Variants in AGAP1 observed in about 807,000 individuals in gnomAD.
AGAP1 encodes the protein arf-GAP with GTPase, ANK repeat and PH domain-containing protein 1.
In AGAP1, 29 loss-of-function variants were observed where a neutral mutation model predicts 105.3. That is an observed-to-expected ratio of 0.28 (90% CI 0.21 to 0.38). AGAP1 has a LOEUF of 0.38. AGAP1 is among the 10% of genes least tolerant of loss of function. The probability of loss-of-function intolerance (pLI) is 1.00; values close to 1 mark genes in which losing one functional copy is unlikely to be tolerated. For synonymous variants in AGAP1, 509 were observed against 485.9 expected, an observed-to-expected ratio of 1.05 and a Z score of -0.63; for missense variants, 998 against 1,165.1, an observed-to-expected ratio of 0.86 and a Z score of 2.09.
At position 235,577,451 on chromosome 2, in the gene AGAP1, G is replaced by T. The variant is rs554927468; in HGVS notation, c.163+82602G>T. On this transcript the variant is annotated intron_variant, in intron 1 of 17. Coordinates refer to ENST00000304032, the MANE Select transcript of AGAP1 (RefSeq NM_001037131.3). The surrounding 1 kb of genome is among the most constrained non-coding windows in gnomAD (Gnocchi z 4.5). ...TCTTGACCTTCTGCCCAAAGCCTTTGCCAGATGAGACACTGCCTCTCGCTG... is the reference window on the plus strand; with the variant it reads ...TCTTGACCTTCTGCCCAAAGCCTTTTCCAGATGAGACACTGCCTCTCGCTG... Among the ~76,000 whole-genome samples the T allele has an allele frequency of 2.0e-5, 3 of 152,188 alleles. No individual in the cohort carries two copies. The South Asian group carries it at 6.2e-4, about 32-fold the overall frequency.
intron 1 of AGAP1, among the ~76,000 whole-genome samples, chr2:235,703,916 A>G (rs1224453174): frequency 6.6e-6 from 1 of 152,060 alleles, no homozygotes; most frequent in Non-Finnish European, 1.5e-5. Context: ...ATCTCAGGTG[A>G]TCCACGCCCC....
In AGAP1 at chr2:235,687,710, C is replaced by G. The variant is rs75573001; in HGVS notation, c.164-21469C>G. Among the ~76,000 whole-genome samples the G allele has an allele frequency of 6.9e-3, 1,046 of 152,258 alleles. 18 individuals carry two copies. The highest frequency in any genetic ancestry group is 0.024 in the African/African-American group (1,000 of 41,542). The stretch of plus-strand genomic sequence containing the variant: ...GAATGCCACCTTCGTTCAGATCAGA[C>G]TTATCTTCTTCGCAGGATGTGGCCA... On this transcript the variant is annotated intron_variant, in intron 1 of 17. Transcript: ENST00000304032.
chr2:235,798,318 T>G (rs550254513), intron 7 of AGAP1, among the ~76,000 whole-genome samples: 1 of 152,246 alleles, frequency 6.6e-6, no homozygotes, highest in Non-Finnish European at 1.5e-5. Context: ...CTGCTATCTT[T>G]CCATAACAAC....
chr2:235,702,519 C>G (rs1950303440), intron 1 of AGAP1, among the ~76,000 whole-genome samples: 1 of 152,116 alleles, frequency 6.6e-6, no homozygotes, highest in African/African-American at 2.4e-5. Context: ...GTCCTTGGGC[C>G]CTGTTCCCTT....
At position 235,577,376 on chromosome 2, in the gene AGAP1, G is replaced by GC. The variant is rs1301364668; in HGVS notation, c.163+82528dup. Among the ~76,000 whole-genome samples the GC allele has an allele frequency of 1.3e-5, 2 of 152,150 alleles. No homozygotes were observed. The highest frequency in any genetic ancestry group is 2.9e-5 in the Non-Finnish European group (2 of 68,036). On this transcript the variant is annotated intron_variant, in intron 1 of 17. Coordinates refer to ENST00000304032, the MANE Select transcript of AGAP1 (RefSeq NM_001037131.3). This position sits in a 1 kb window ranked among gnomAD's most constrained non-coding sequence, Gnocchi z 4.5. ...GTGCTCAGTAGCACCTGTGGCTGGAGCTACTGTATTGGGCACCACGGCCTT... is the reference window on the plus strand; with the variant it reads ...GTGCTCAGTAGCACCTGTGGCTGGAGCCTACTGTATTGGGCACCACGGCCTT...
At chr2:235,512,513 G>T (rs932534889) in intron 1 of AGAP1, among the ~76,000 whole-genome samples, 12 of 152,316 alleles carry the variant, frequency 7.9e-5, no homozygotes, top group Admixed American at 7.2e-4. Flanking sequence ...AGGATTGCTT[G>T]AGCCTAGGAG....
chr2:235,947,482 A>G lies in AGAP1; in HGVS notation c.1483+16559A>G, dbSNP rs138116838. On this transcript the variant is annotated intron_variant, in intron 12 of 17. Transcript: ENST00000304032. ...ATTTTCTTCGTCCACTCGTTGATTG[A>G]TGGGCATTTGGGCTGGTTCCGTATT... 1.1e-4 allele frequency among the ~76,000 whole-genome samples: 17 copies of G among 152,304 alleles called. No individual in the cohort carries two copies. In the East Asian group the frequency reaches 3.3e-3, roughly 29 times the overall value.
At chr2:235,746,770 A>C (rs562300484) in intron 5 of AGAP1, among the ~76,000 whole-genome samples, 1 of 152,028 alleles carries the variant, frequency 6.6e-6, no homozygotes, top group Admixed American at 6.6e-5. Context: ...CACCACTCAC[A>C]GGCTGCTGGA....
At position 236,040,914 on chromosome 2, in the gene AGAP1, T is replaced by C. The variant is rs2057530918; in HGVS notation, c.1891+73T>C. 1.4e-6 allele frequency: 2 copies of C among 1,458,486 alleles called. No individual in the cohort carries two copies. The allele number at this position is 1,458,486 out of a possible 1,614,324, so 90.3% of individuals were successfully genotyped here. On this transcript the variant is annotated intron_variant, in intron 15 of 17. Transcript: ENST00000304032. The surrounding 1 kb of genome is among the most constrained non-coding windows in gnomAD (Gnocchi z 5.6). ...CCACATGGTCCCACTAGGCCCGGGTTGCAGGGGACTCACATCTGTCCTGTT... is the reference window on the plus strand; with the variant it reads ...CCACATGGTCCCACTAGGCCCGGGTCGCAGGGGACTCACATCTGTCCTGTT...
intron 1 of AGAP1, among the ~76,000 whole-genome samples, chr2:235,618,733 C>T (rs1559293019): frequency 6.6e-6 from 1 of 151,926 alleles, no homozygotes; most frequent in Non-Finnish European, 1.5e-5. Flanking sequence ...TCTTATTTAA[C>T]CCTCAAAACA....
In AGAP1 at chr2:235,586,506, G is replaced by T. The variant is rs1945117551; in HGVS notation, c.163+91657G>T. Among the ~76,000 whole-genome samples the T allele has an allele frequency of 6.6e-6, 1 of 152,264 alleles. No individual in the cohort carries two copies. Among genetic ancestry groups the T allele is most frequent in the African/African-American group, 2.4e-5 (1 of 41,474 alleles). ...CAGCAGTCAAGGCTGCCACGAGCAA[G>T]TATTTTGAGTGCTCCTTATGTCCAT... On this transcript the variant is annotated intron_variant, in intron 1 of 17. Coordinates refer to ENST00000304032, the MANE Select transcript of AGAP1 (RefSeq NM_001037131.3). This position sits in a 1 kb window ranked among gnomAD's most constrained non-coding sequence, Gnocchi z 4.2.
At chr2:235,636,805 G>C (rs2149298188) in intron 1 of AGAP1, among the ~76,000 whole-genome samples, 1 of 152,324 alleles carries the variant, frequency 6.6e-6, no homozygotes, top group South Asian at 2.1e-4. Flanking sequence ...GGTCATGCCA[G>C]AGTGGGGTGG....
At chr2:235,558,870 T>C (rs552198297) in intron 1 of AGAP1, among the ~76,000 whole-genome samples, 1 of 152,180 alleles carries the variant, frequency 6.6e-6, no homozygotes, top group African/African-American at 2.4e-5. Context: ...ATCATTACCA[T>C]AGCCTCAGAC....
chr2:235,699,910 A>C (rs1950171295), intron 1 of AGAP1, among the ~76,000 whole-genome samples: 1 of 152,190 alleles, frequency 6.6e-6, no homozygotes, highest in African/African-American at 2.4e-5. Context: ...TTTTGGAGGC[A>C]ACCTCAGGCT....
chr2:235,772,042 C>T (rs1955502315), intron 6 of AGAP1, among the ~76,000 whole-genome samples: 1 of 142,774 alleles, frequency 7.0e-6, no homozygotes, highest in Non-Finnish European at 1.5e-5. Flanking sequence ...GTTGCCCAGG[C>T]TGGAACGCAG....
Position 235,769,712 on chromosome 2 carries a change from A to G in AGAP1, c.673+19224A>G, listed in dbSNP as rs1387848289. Among the ~76,000 whole-genome samples the G allele has an allele frequency of 6.6e-6, 1 of 152,060 alleles. No homozygotes were observed. Among genetic ancestry groups the G allele is most frequent in the African/African-American group, 2.4e-5 (1 of 41,390 alleles). ...TCGGGGAGGCAGTGAAAAAAAAACG[A>G]AAGCAGTGACTAAAGGGCATCTCCA... On this transcript the variant is annotated intron_variant, in intron 6 of 17. Transcript: ENST00000304032. This position sits in a 1 kb window ranked among gnomAD's most constrained non-coding sequence, Gnocchi z 4.4.
rs1949633496 is a variant in AGAP1 at position 235,689,459 on chromosome 2, A to G, written c.164-19720A>G. 6.6e-6 allele frequency among the ~76,000 whole-genome samples: 1 copy of G among 152,256 alleles called. No homozygotes were observed. The highest frequency in any genetic ancestry group is 1.5e-5 in the Non-Finnish European group (1 of 68,044). On this transcript the variant is annotated intron_variant, in intron 1 of 17. Coordinates refer to ENST00000304032, the MANE Select transcript of AGAP1 (RefSeq NM_001037131.3). The surrounding 1 kb of genome is among the most constrained non-coding windows in gnomAD (Gnocchi z 4.2). ...CATAGAACATAACAATTTTGACTGC[A>G]GAGAGGCAGGCAGAATAGCTTGTCC... is the stretch of plus-strand genomic sequence containing the variant.
chr2:236,124,133 T>G lies in AGAP1; in HGVS notation c.*11T>G. The stretch of plus-strand genomic sequence containing the variant: ...CCCACCATCATCTGAGGAACAGCCG[T>G]GCCCGCCTGCTCGCCGCACCTGGGA... On this transcript the variant is annotated 3_prime_UTR_variant, in exon 18 of 18. Coordinates refer to ENST00000304032, the MANE Select transcript of AGAP1 (RefSeq NM_001037131.3). This position sits in a 1 kb window ranked among gnomAD's most constrained non-coding sequence, Gnocchi z 5.1. The G allele has an allele frequency of 6.2e-7, 1 of 1,611,072 alleles. No individual in the cohort carries two copies. Among genetic ancestry groups the G allele is most frequent in the Non-Finnish European group, 8.5e-7 (1 of 1,178,070 alleles).
chr2:235,759,434 G>T (rs1465386876), intron 6 of AGAP1, among the ~76,000 whole-genome samples: 3 of 152,198 alleles, frequency 2.0e-5, no homozygotes, highest in Non-Finnish European at 4.4e-5. Context: ...CTCCCAAAGT[G>T]CTGGGATTAC....
Sources: gnomAD v4.1 joint callset for allele counts (sites outside exome capture counted in the v4.1 genomes callset) on GRCh38, gnomAD v4.1.1 for gene constraint, Gnocchi (gnomAD v3.1) non-coding constraint, MANE v1.5 for transcripts, NCBI Gene and HGNC (gene_info 2026-07-23, HGNC 2026-07-21) for gene names.